CHLSN: variants seen among roughly 807,000 people sequenced by gnomAD.
CHLSN encodes protein cholesin.
the CHLSN span, among the ~76,000 whole-genome samples, chr7:1,015,244 C>A: frequency 6.6e-6 from 1 of 152,078 alleles, no homozygotes; most frequent in African/African-American, 2.4e-5. Context: ...CGGGAAGAGG[C>A]GTGGCCTCCC....
At chr7:1,028,506 T>C in the CHLSN span, 1 of 984,366 alleles carries the variant, frequency 1.0e-6, no homozygotes, top group Non-Finnish European at 1.2e-6. Context: ...AAGGCGGGGG[T>C]GGACCCTGCT....
chr7:1,127,720 G>A, the CHLSN span, among the ~76,000 whole-genome samples: 2 of 37,024 alleles, frequency 5.4e-5, no homozygotes, highest in Non-Finnish European at 1.1e-4. Flanking sequence ...TGATCCCACC[G>A]TCACCCGGGC....
the CHLSN span, among the ~76,000 whole-genome samples, chr7:1,002,500 A>G: frequency 3.1e-5 from 1 of 32,688 alleles, no homozygotes; most frequent in African/African-American, 1.4e-4. Flanking sequence ...CCTGTGGGTG[A>G]GTGGAGTCCT....
chr7:1,016,973 C>T, the CHLSN span, among the ~76,000 whole-genome samples: 1 of 132,062 alleles, frequency 7.6e-6, no homozygotes. Context: ...CACACGCCAG[C>T]ACACACCAGC....
the CHLSN span, among the ~76,000 whole-genome samples, chr7:1,088,873 G>C: frequency 1.3e-5 from 2 of 151,720 alleles, no homozygotes; most frequent in East Asian, 1.9e-4. The surrounding 1 kb of genome is among the most constrained non-coding windows in gnomAD (Gnocchi z 4.5). Context: ...TCTCACCCAG[G>C]ACCACATCAG....
the CHLSN span, among the ~76,000 whole-genome samples, chr7:1,070,703 C>T: frequency 6.7e-6 from 1 of 148,574 alleles, no homozygotes; most frequent in Non-Finnish European, 1.5e-5. Flanking sequence ...CACACGCGAG[C>T]ACATGAACAC....
the CHLSN span, chr7:1,057,928 T>C: frequency 2.6e-6 from 2 of 774,486 alleles, no homozygotes; most frequent in Admixed American, 1.7e-5. Flanking sequence ...CGGACCTACA[T>C]GGCCAGCGTG....
chr7:979,132 A>T, the CHLSN span, among the ~76,000 whole-genome samples: 1 of 152,254 alleles, frequency 6.6e-6, no homozygotes, highest in African/African-American at 2.4e-5. Flanking sequence ...GTGCCCACCC[A>T]GATTCAAGGA....
chr7:1,092,353 G>A, the CHLSN span: 1 of 1,611,110 alleles, frequency 6.2e-7, no homozygotes, highest in Non-Finnish European at 8.5e-7. Flanking sequence ...CTTCTGTTTC[G>A]CGGATGTCCG....
chr7:1,049,039 C>T, the CHLSN span, among the ~76,000 whole-genome samples: 3 of 151,998 alleles, frequency 2.0e-5, no homozygotes, highest in South Asian at 2.1e-4. Context: ...CCCAGGCCTC[C>T]GCTGTCTGAG....
At chr7:1,103,442 A>C in the CHLSN span, among the ~76,000 whole-genome samples, 2 of 152,146 alleles carry the variant, frequency 1.3e-5, no homozygotes, top group African/African-American at 2.4e-5. Flanking sequence ...CCCACAAAAC[A>C]CACAGTCCTC....
the CHLSN span, chr7:1,058,717 G>A: frequency 1.7e-6 from 1 of 598,200 alleles, no homozygotes; most frequent in Non-Finnish European, 3.0e-6. Context: ...TCTGGCTTGA[G>A]TCTCCCCGAG....
chr7:1,093,410 C>A, the CHLSN span: 961 of 456,928 alleles, frequency 2.1e-3, 5 homozygotes, highest in Non-Finnish European at 2.6e-3. Flanking sequence ...AAACATGCTG[C>A]TCTGGTGCAC....
chr7:1,099,118 CGCGTTCCT>C, the CHLSN span, among the ~76,000 whole-genome samples: 2 of 137,610 alleles, frequency 1.5e-5, no homozygotes, highest in Admixed American at 1.5e-4. Context: ...GCCTCGCTGT[CGCGTTCCT>C]GCAGCCGGCC....
At chr7:1,069,222 G>A in the CHLSN span, among the ~76,000 whole-genome samples, 9 of 152,270 alleles carry the variant, frequency 5.9e-5, no homozygotes, top group African/African-American at 2.2e-4. Flanking sequence ...TCCCAGCTAC[G>A]AAGAAGGCTG....
the CHLSN span, among the ~76,000 whole-genome samples, chr7:1,079,617 C>T: frequency 6.6e-6 from 1 of 152,220 alleles, no homozygotes; most frequent in Non-Finnish European, 1.5e-5. Flanking sequence ...CCCTCCCTGC[C>T]CAATGTAGAC....
the CHLSN span, chr7:1,092,004 C>CAA: frequency 6.2e-7 from 1 of 1,614,166 alleles, no homozygotes; most frequent in Non-Finnish European, 8.5e-7. Flanking sequence ...AGAAGATGAC[C>CAA]ATCCCCGACC....
At chr7:1,136,640 G>A in the CHLSN span, among the ~76,000 whole-genome samples, 1 of 143,040 alleles carries the variant, frequency 7.0e-6, no homozygotes, top group Non-Finnish European at 1.5e-5. Flanking sequence ...ATATATATAT[G>A]CGGATGTGTG....
At chr7:1,089,487 T>C in the CHLSN span, among the ~76,000 whole-genome samples, 3,288 of 24,298 alleles carry the variant, frequency 0.14, 227 homozygotes, top group African/African-American at 0.48. Flanking sequence ...GGTGTGATCT[T>C]GGCTCACTGC....
Sources: gnomAD v4.1 joint callset for allele counts (sites outside exome capture counted in the v4.1 genomes callset) on GRCh38, gnomAD v4.1.1 for gene constraint, Gnocchi (gnomAD v3.1) non-coding constraint, MANE v1.5 for transcripts, NCBI Gene and HGNC (gene_info 2026-07-23, HGNC 2026-07-21) for gene names.